Variants in SERPINB6 observed in about 807,000 individuals in gnomAD.
The protein encoded by SERPINB6 is serpin B6.
In SERPINB6, 16 loss-of-function variants were observed where a neutral mutation model predicts 26.1. That is an observed-to-expected ratio of 0.61 (90% CI 0.42 to 0.93). The LOEUF (loss-of-function observed/expected upper bound fraction) is 0.93, where lower values mean the gene tolerates loss of function less well. Ranked by LOEUF, SERPINB6 falls within the 40% of genes least tolerant of loss-of-function variation. The pLI is 0.00. For missense variants in SERPINB6, 420 were observed against 478.0 expected (o/e 0.88, Z 1.13); for synonymous variants, 174 against 176.6 (o/e 0.99, Z 0.11).
chr6:2,959,141 A>G, intron 2 of SERPINB6, 27 bp downstream of exon 2: 2 of 1,614,012 alleles, frequency 1.2e-6, no homozygotes, highest in Non-Finnish European at 1.7e-6. Context: ...GACAGTTAAT[A>G]GCACCATGGC....
chr6:2,953,274 C>T (rs1770033704), intron 4 of SERPINB6, 88 bp from the exon 5 acceptor site: 27 of 1,551,082 alleles, frequency 1.7e-5, no homozygotes, highest in Non-Finnish European at 2.4e-5. Flanking sequence ...TCTCCTTCAG[C>T]AGTCAAGTGC....
intron 1 of SERPINB6, among the ~76,000 whole-genome samples, chr6:2,964,905 C>T (rs1022301393): frequency 3.9e-5 from 6 of 152,330 alleles, no homozygotes; most frequent in East Asian, 1.9e-4. Flanking sequence ...TGCATGATCA[C>T]GGCCCACTGC....
At chr6:2,964,638 A>G (rs2113314723) in intron 1 of SERPINB6, among the ~76,000 whole-genome samples, 1 of 152,292 alleles carries the variant, frequency 6.6e-6, no homozygotes, top group Non-Finnish European at 1.5e-5. Flanking sequence ...ATTACTATAT[A>G]TACATTCAGT....
chr6:2,966,859 G>A (rs538402310), intron 1 of SERPINB6: 2 of 766,384 alleles, frequency 2.6e-6, no homozygotes, highest in Non-Finnish European at 3.2e-6. Context: ...CTCGCTCGGT[G>A]GCCGAGGCTG....
chr6:2,968,573 C>A (rs754783048), intron 1 of SERPINB6: 35 of 1,202,440 alleles, frequency 2.9e-5, no homozygotes, highest in Admixed American at 4.4e-5. Flanking sequence ...TATACTAATT[C>A]TTTGGATACC....
chr6:2,948,957 T>C lies in SERPINB6; in HGVS notation c.686A>G (p.Asn229Ser), dbSNP rs1399975382. 2.5e-6 allele frequency: 4 copies of C among 1,614,128 alleles called. No individual in the cohort carries two copies. Among genetic ancestry groups the C allele is most frequent in the Non-Finnish European group, 3.4e-6 (4 of 1,180,050 alleles). Residue 229 changes from asparagine to serine, a missense_variant, in exon 6 of 7, where the codon AAT (asparagine) becomes AGT (serine). Transcript: ENST00000380539. The surrounding 1 kb of genome is among the most constrained non-coding windows in gnomAD (Gnocchi z 5.0). The stretch of plus-strand genomic sequence containing the variant: ...CTCGTCCGGAAGCATGATGATCATA[T>C]TCAGTTCCTTGCCAACATATGGAAG... ...LVLPYVGKELNMIIMLPDETT... is the reference protein window; with the variant it reads ...LVLPYVGKELSMIIMLPDETT...
chr6:2,971,506 C>G (rs1331751181), intron 1 of SERPINB6, 27 bp downstream of exon 1: 1 of 152,198 alleles, frequency 6.6e-6, no homozygotes, highest in Non-Finnish European at 1.5e-5. Flanking sequence ...CCAGCGTGTC[C>G]GAGCGGCTCC....
intron 1 of SERPINB6, chr6:2,964,097 A>C (rs1006532093): frequency 2.0e-5 from 3 of 152,222 alleles, no homozygotes; most frequent in Admixed American, 6.5e-5. Context: ...TCTCATGTCA[A>C]TTTCCACTGC....
chr6:2,957,683 CA>C (rs1770647929), intron 2 of SERPINB6: 1 of 152,240 alleles, frequency 6.6e-6, no homozygotes, highest in South Asian at 2.1e-4. Flanking sequence ...GCACTTGTAA[CA>C]GCTTGGACTA....
At chr6:2,969,823 A>G (rs923308128) in intron 1 of SERPINB6, 4 of 980,904 alleles carry the variant, frequency 4.1e-6, no homozygotes, top group Admixed American at 6.2e-5. Flanking sequence ...TGAGCAGCCT[A>G]ACATATAAAT....
At chr6:2,964,200 A>G (rs770624081) in intron 1 of SERPINB6, among the ~76,000 whole-genome samples, 7 of 152,244 alleles carry the variant, frequency 4.6e-5, no homozygotes, top group Non-Finnish European at 1.0e-4. Context: ...CAAAAATAAA[A>G]GTAAAATACA....
chr6:2,965,043 C>T (rs1771481511), intron 1 of SERPINB6, among the ~76,000 whole-genome samples: 1 of 152,178 alleles, frequency 6.6e-6, no homozygotes, highest in Admixed American at 6.5e-5. Context: ...GGGCCCGGTC[C>T]CGATCCACAG....
chr6:2,948,863 A>C lies in SERPINB6; in HGVS notation c.729+51T>G. The C allele has an allele frequency of 6.2e-7, 1 of 1,610,802 alleles. No individual in the cohort carries two copies. The highest frequency in any genetic ancestry group is 8.5e-7 in the Non-Finnish European group (1 of 1,177,718). ...AGTAGGGACAGCAGCCACAGCAGACACCCCCGAGTGGCTCCTTGCTAGCAC... is the reference window on the plus strand; with the variant it reads ...AGTAGGGACAGCAGCCACAGCAGACCCCCCCGAGTGGCTCCTTGCTAGCAC... On this transcript the variant is annotated intron_variant, in intron 6 of 6. Transcript: ENST00000380539. The surrounding 1 kb of genome is among the most constrained non-coding windows in gnomAD (Gnocchi z 5.0).
intron 1 of SERPINB6, chr6:2,968,842 A>G (rs1771869545): frequency 2.4e-6 from 3 of 1,231,458 alleles, no homozygotes; most frequent in South Asian, 4.1e-5. Flanking sequence ...CAGTGTGCTC[A>G]AGGGATCAGC....
At chr6:2,949,181 C>A in intron 5 of SERPINB6, 112 bp from the exon 6 acceptor site, 2 of 1,209,892 alleles carry the variant, frequency 1.7e-6, no homozygotes, top group Non-Finnish European at 2.4e-6. Flanking sequence ...CGGTTTCTCC[C>A]CAGCTTCCAG....
At position 2,948,721 on chromosome 6, in the gene SERPINB6, CT is replaced by C. The variant is rs146749087; in HGVS notation, c.730-23del. The C allele has an allele frequency of 2.5e-3, 4,099 of 1,612,904 alleles. 7 individuals are homozygous for C. Among genetic ancestry groups the C allele is most frequent in the Non-Finnish European group, 3.1e-3 (3,663 of 1,178,914 alleles). On this transcript the variant is annotated intron_variant, in intron 6 of 6. Coordinates refer to ENST00000380539, the MANE Select transcript of SERPINB6 (RefSeq NM_004568.6). The surrounding 1 kb of genome is among the most constrained non-coding windows in gnomAD (Gnocchi z 5.0). ...CCACCTAGAGGGAGACAGTTGAAGA[CT>C]TTAAGACCCAGGGTGCTGCTGCCCA...
chr6:2,961,866 T>C, intron 1 of SERPINB6: 1 of 984,876 alleles, frequency 1.0e-6, no homozygotes, highest in Non-Finnish European at 1.2e-6. Flanking sequence ...AGCACACGTT[T>C]TCCCCTCAAA....
chr6:2,954,941 G>A (rs769754173), intron 3 of SERPINB6: 5 of 501,232 alleles, frequency 1.0e-5, no homozygotes, highest in Non-Finnish European at 1.8e-5. Flanking sequence ...TGTAATCCCA[G>A]CACTTTGGGG....
Position 2,959,228 on chromosome 6 carries a change from G to C in SERPINB6, c.105C>G (p.Ser35=), listed in dbSNP as rs1176669192. The C allele has an allele frequency of 1.9e-6, 3 of 1,614,194 alleles. No homozygotes were observed. The South Asian group carries it at 3.3e-5, about 18-fold the overall frequency. ...CCATGTAGACCATGGCCAGGGCACA[G>C]GACATGCTCATGGGTGAGAAAAACA... is the stretch of plus-strand genomic sequence containing the variant. ...KNVFFSPMSM[S]CALAMVYMGA... is the part of the protein sequence containing the mutation. The change falls in exon 2 of 7, where the codon TCC becomes TCG. Residue 35 remains serine (S), a synonymous_variant. Coordinates refer to ENST00000380539, the MANE Select transcript of SERPINB6 (RefSeq NM_004568.6).
Sources: gnomAD v4.1 joint callset for allele counts (sites outside exome capture counted in the v4.1 genomes callset) on GRCh38, gnomAD v4.1.1 for gene constraint, Gnocchi (gnomAD v3.1) non-coding constraint, MANE v1.5 for transcripts, NCBI Gene and HGNC (gene_info 2026-07-23, HGNC 2026-07-21) for gene names.